The following BICRAL variants were observed in gnomAD, a reference collection of about 807,000 sequenced individuals.
BICRAL encodes BICRA like chromatin remodeling complex associated protein.
In BICRAL, 8 loss-of-function variants were observed where a neutral mutation model predicts 91.8. That is an observed-to-expected ratio of 0.09 (90% CI 0.05 to 0.16). The LOEUF is 0.16. BICRAL is among the 10% of genes least tolerant of loss of function. BICRAL has a pLI of 1.00. For missense variants in BICRAL, 1,038 were observed against 1,310.9 expected (o/e 0.79, Z 3.21); for synonymous variants, 445 against 491.1 (o/e 0.91, Z 1.24).
At chr6:42,783,722 C>T (rs79554264) in intron 1 of BICRAL, among the ~76,000 whole-genome samples, 2 of 152,190 alleles carry the variant, frequency 1.3e-5, no homozygotes, top group Non-Finnish European at 2.9e-5. Flanking sequence ...CTTCTTCCTC[C>T]TAACCACTTG....
intron 6 of BICRAL, among the ~76,000 whole-genome samples, chr6:42,832,902 C>A (rs1764534414): frequency 6.6e-6 from 1 of 152,064 alleles, no homozygotes; most frequent in African/African-American, 2.4e-5. Flanking sequence ...TATTACAATA[C>A]TATAACTAAT....
intron 1 of BICRAL, among the ~76,000 whole-genome samples, chr6:42,771,985 G>A (rs184728810): frequency 1.8e-3 from 268 of 152,304 alleles, no homozygotes; most frequent in Non-Finnish European, 3.2e-3. Context: ...GGGGAGGGGA[G>A]GAGGAGGATG....
intron 1 of BICRAL, among the ~76,000 whole-genome samples, chr6:42,770,297 C>T (rs896556281): frequency 2.0e-5 from 3 of 152,162 alleles, no homozygotes; most frequent in East Asian, 1.9e-4. Flanking sequence ...GGCGTGATCT[C>T]GGCTCACTGC....
chr6:42,775,431 C>T (rs977077897), intron 1 of BICRAL, among the ~76,000 whole-genome samples: 2 of 152,194 alleles, frequency 1.3e-5, no homozygotes, highest in South Asian at 2.1e-4. Context: ...CTCCACTCCC[C>T]CATCCTCCTG....
intron 6 of BICRAL, among the ~76,000 whole-genome samples, chr6:42,836,071 G>T (rs74711970): frequency 0.019 from 2,856 of 152,248 alleles, 33 homozygotes; most frequent in South Asian, 0.039. Flanking sequence ...TAAGTTCTTT[G>T]TATTCCCCCA....
chr6:42,752,942 G>T (rs182733449), intron 1 of BICRAL, among the ~76,000 whole-genome samples: 4,721 of 141,296 alleles, frequency 0.033, 272 homozygotes, highest in African/African-American at 0.12. Flanking sequence ...TTTTGGTTGG[G>T]GGGGTACGGA....
chr6:42,857,614 A>T (rs199859544), intron 10 of BICRAL, among the ~76,000 whole-genome samples: 3,646 of 96,074 alleles, frequency 0.038, 95 homozygotes, highest in Middle Eastern at 0.12. Flanking sequence ...AAAAAAAAAA[A>T]ATATATATAT....
At chr6:42,773,861 C>T (rs996401058) in intron 1 of BICRAL, among the ~76,000 whole-genome samples, 3 of 152,190 alleles carry the variant, frequency 2.0e-5, no homozygotes, top group Non-Finnish European at 4.4e-5. Flanking sequence ...GCTTTGACCT[C>T]CTGGGCTTAA....
chr6:42,754,849 T>C (rs1762437272), intron 1 of BICRAL, among the ~76,000 whole-genome samples: 1 of 152,200 alleles, frequency 6.6e-6, no homozygotes, highest in South Asian at 2.1e-4. Flanking sequence ...TGAGCCATGA[T>C]CGTGCCACTG....
intron 1 of BICRAL, among the ~76,000 whole-genome samples, chr6:42,766,804 G>T (rs1261939031): frequency 6.6e-6 from 1 of 152,170 alleles, no homozygotes; most frequent in African/African-American, 2.4e-5. Context: ...ACTTTGGGAG[G>T]CCAAGGCGGG....
intron 6 of BICRAL, among the ~76,000 whole-genome samples, chr6:42,845,165 G>T (rs1764958008): frequency 7.7e-6 from 1 of 129,622 alleles, no homozygotes; most frequent in Non-Finnish European, 1.6e-5. Context: ...GTATCCTTCG[G>T]CTGCCTTCTC....
At chr6:42,788,142 A>G (rs1763156330) in intron 1 of BICRAL, among the ~76,000 whole-genome samples, 1 of 151,868 alleles carries the variant, frequency 6.6e-6, no homozygotes, top group Non-Finnish European at 1.5e-5. Flanking sequence ...AATGGGAACT[A>G]GATAGGCTAA....
chr6:42,860,341 C>T lies in BICRAL; in HGVS notation c.2334C>T (p.Leu778=), dbSNP rs773190904. Residue 778 remains leucine (L), a synonymous_variant, in exon 11 of 13, where the codon CTC becomes CTT. Transcript: ENST00000314073. ...TGCTTAACAAATACAGATGCCTGCT[C>T]CTAGAAGATGCCATGGTAAAAGTCA... ...QAMLNKYRCL[L]LEDAMRINPS... The T allele has an allele frequency of 4.4e-6, 7 of 1,602,252 alleles. No individual in the cohort carries two copies. The Admixed American group carries it at 1.0e-4, about 23-fold the overall frequency.
At chr6:42,857,295 C>A (rs1324682527) in intron 10 of BICRAL, 59 bp downstream of exon 10, 5 of 1,443,462 alleles carry the variant, frequency 3.5e-6, no homozygotes, top group Non-Finnish European at 4.7e-6. Context: ...CCATGGACAC[C>A]CCCCAGAAAA....
chr6:42,829,743 C>T lies in BICRAL; in HGVS notation c.1410C>T (p.Val470=). ...GPMLNNQNTA[V]HLVSGQTFAA... ...TGCTTAACAACCAGAATACTGCTGT[C>T]CACTTAGTGTCTGGGCAGACATTTG... Residue 470 remains valine (V), a synonymous_variant, in exon 6 of 13, where the codon GTC becomes GTT. Transcript: ENST00000314073. The T allele has an allele frequency of 1.9e-6, 3 of 1,614,074 alleles. No homozygotes were observed.
At chr6:42,822,866 A>G in intron 4 of BICRAL, 22 bp downstream of exon 4, 1 of 1,516,782 alleles carries the variant, frequency 6.6e-7, no homozygotes, top group South Asian at 1.1e-5. Context: ...ATAGAATACC[A>G]CAGACATCTA....
intron 2 of BICRAL, among the ~76,000 whole-genome samples, chr6:42,820,348 T>A (rs2113936876): frequency 6.6e-6 from 1 of 152,372 alleles, no homozygotes; most frequent in Middle Eastern, 3.4e-3. Context: ...TAAGCGGTCA[T>A]GTTAAAAAAG....
At chr6:42,848,491 T>C (rs1025952519) in intron 6 of BICRAL, among the ~76,000 whole-genome samples, 1 of 152,254 alleles carries the variant, frequency 6.6e-6, no homozygotes, top group Non-Finnish European at 1.5e-5. Context: ...TTTCTTTCAA[T>C]CTTTTATATT....
Position 42,866,285 on chromosome 6 carries a change from G to T in BICRAL, c.*839G>T. The T allele has an allele frequency of 6.5e-6, 1 of 154,848 alleles. No homozygotes were observed. The highest frequency in any genetic ancestry group is 6.3e-5 in the Admixed American group (1 of 15,812). 9.6% of individuals were successfully genotyped at this position (154,848 alleles called of 1,614,324 possible). On this transcript the variant is annotated 3_prime_UTR_variant, in exon 13 of 13. Transcript: ENST00000314073. ...AGGCACAGTGTACAGAGGAGGCCGG[G>T]ATAGAGCCATGAGGGTTATAATATT...
Sources: allele counts gnomAD v4.1 joint callset (sites outside exome capture counted in the v4.1 genomes callset), GRCh38; gene constraint gnomAD v4.1.1; transcripts MANE v1.5; gene names NCBI Gene and HGNC (gene_info 2026-07-23, HGNC 2026-07-21).